Variants in ZNF493 observed in about 807,000 individuals in gnomAD.
ZNF493 encodes zinc finger protein 493.
A neutral mutation model predicts 12.2 loss-of-function variants in ZNF493; 11 were observed. The observed-to-expected ratio is 0.90, with a 90% CI of 0.57 to 1.50. ZNF493 has a LOEUF of 1.50. Among genes scored for constraint, ZNF493 ranks in the 40% most tolerant of loss-of-function variants. The pLI is 0.00. For synonymous variants in ZNF493, 286 were observed against 302.6 expected (o/e 0.95, Z 0.57); for missense variants, 950 against 906.6 (o/e 1.05, Z -0.61).
At chr19:21,411,264 A>G (rs2030316799) in intron 3 of ZNF493, among the ~76,000 whole-genome samples, 1 of 152,036 alleles carries the variant, frequency 6.6e-6, no homozygotes, top group South Asian at 2.1e-4. Context: ...AGAAGGCTTC[A>G]TTTCTGGGCT....
At chr19:21,408,881 CTTT>C (rs201812196) in intron 3 of ZNF493, 11,838 of 586,388 alleles carry the variant, frequency 0.02, 20 homozygotes, top group Middle Eastern at 0.045. Context: ...TTCTTTCTTT[CTTT>C]TTTTTTTTTT....
chr19:21,402,030 C>T (rs760830702), intron 1 of ZNF493, among the ~76,000 whole-genome samples: 9 of 152,012 alleles, frequency 5.9e-5, no homozygotes, highest in Non-Finnish European at 1.2e-4. Context: ...TGCAGTGGCA[C>T]GATCTCGGCT....
rs1272686451 is a variant in ZNF493 at position 21,423,730 on chromosome 19, T to G, written c.1071T>G (p.Ala357=). ...ACAGATGTGAAGAATATTGCAAAGCTTATAAGGAGTCCTCACACCTTACTA... is the reference window on the plus strand; with the variant it reads ...ACAGATGTGAAGAATATTGCAAAGCGTATAAGGAGTCCTCACACCTTACTA... ...KSHRCEEYCK[A]YKESSHLTTH... is the part of the protein sequence containing the mutation. The change falls in exon 4 of 4, where the codon GCT becomes GCG. Residue 357 remains alanine (A), a synonymous_variant. Coordinates refer to ENST00000392288, the MANE Select transcript of ZNF493 (RefSeq NM_001076678.3). 6.2e-7 allele frequency: 1 copy of G among 1,613,514 alleles called. No homozygotes were observed. The highest frequency in any genetic ancestry group is 1.7e-4 in the Middle Eastern group (1 of 6,054).
intron 3 of ZNF493, among the ~76,000 whole-genome samples, chr19:21,415,064 C>T (rs574955011): frequency 6.6e-6 from 1 of 152,232 alleles, no homozygotes; most frequent in East Asian, 1.9e-4. Flanking sequence ...ATCCCTATCA[C>T]AGTAGCGATT....
At chr19:21,410,541 A>G (rs549720850) in intron 3 of ZNF493, among the ~76,000 whole-genome samples, 2 of 152,110 alleles carry the variant, frequency 1.3e-5, no homozygotes, top group Non-Finnish European at 2.9e-5. Flanking sequence ...TTGCTCATCT[A>G]TAAATTAATT....
chr19:21,425,544 G>A lies in ZNF493; in HGVS notation c.*560G>A. 1 of 563,410 alleles carries A rather than the reference G, an allele frequency of 1.8e-6. No individual in the cohort carries two copies. The highest frequency in any genetic ancestry group is 4.0e-5 in the East Asian group (1 of 25,064). The allele number at this position is 563,410 out of a possible 1,614,324, so 34.9% of individuals were successfully genotyped here. A position where few individuals can be genotyped will look rare whatever the true frequency, so the allele number is the denominator to read the frequency against. ...CTACAAATGTGAGGAATGTGGCAAA[G>A]CCTTTAGCCTGTCCCTCCAATTTAC... On this transcript the variant is annotated 3_prime_UTR_variant, in exon 4 of 4. Coordinates refer to ENST00000392288, the MANE Select transcript of ZNF493 (RefSeq NM_001076678.3).
At chr19:21,422,829 T>A (rs2030719993) in intron 3 of ZNF493, 84 bp from the exon 4 acceptor site, 1 of 1,245,162 alleles carries the variant, frequency 8.0e-7, no homozygotes, top group Non-Finnish European at 1.1e-6. Context: ...TTATGCAGTT[T>A]GTATAATATT....
chr19:21,405,907 TAAA>T (rs386388731), intron 3 of ZNF493, 51 bp downstream of exon 3: 536 of 180,022 alleles, frequency 3.0e-3, no homozygotes, highest in South Asian at 4.2e-3. Flanking sequence ...TTGAAAGATT[TAAA>T]AAAAAAAAAA....
At chr19:21,412,376 A>G (rs1380527797) in intron 3 of ZNF493, 1 of 152,428 alleles carries the variant, frequency 6.6e-6, no homozygotes, top group Non-Finnish European at 1.5e-5. Context: ...TGGGTGGGCC[A>G]GGTATTCCTT....
chr19:21,402,002 C>T (rs922127543), intron 1 of ZNF493, among the ~76,000 whole-genome samples: 3 of 151,926 alleles, frequency 2.0e-5, no homozygotes, highest in Admixed American at 2.0e-4. Flanking sequence ...GAGTCTCGCT[C>T]TGTCACCCAG....
At position 21,425,719 on chromosome 19, in the gene ZNF493, A is replaced by C; in HGVS notation, c.*735A>C. 1 of 687,902 alleles carries C rather than the reference A, an allele frequency of 1.5e-6. No homozygotes were observed. Among genetic ancestry groups the C allele is most frequent in the Non-Finnish European group, 2.5e-6 (1 of 394,294 alleles). 42.6% of individuals were successfully genotyped at this position (687,902 alleles called of 1,614,324 possible). A position where few individuals can be genotyped will look rare whatever the true frequency, so the allele number is the denominator to read the frequency against. On this transcript the variant is annotated 3_prime_UTR_variant, in exon 4 of 4. Coordinates refer to ENST00000392288, the MANE Select transcript of ZNF493 (RefSeq NM_001076678.3). The stretch of plus-strand genomic sequence containing the variant: ...TGTGAAAAATGTGGCAAAGCTTTTA[A>C]CCAATTTTCAAACCTTACTAAACAT...
At position 21,425,323 on chromosome 19, in the gene ZNF493, G is replaced by A. The variant is rs747670156; in HGVS notation, c.*339G>A. On this transcript the variant is annotated 3_prime_UTR_variant, in exon 4 of 4. Coordinates refer to ENST00000392288, the MANE Select transcript of ZNF493 (RefSeq NM_001076678.3). ...AACCACTTCTCAACCCTGCCTACAC[G>A]TAAGATAATTCATACTGGAAGGAAA... The A allele has an allele frequency of 3.6e-5, 15 of 414,872 alleles. No individual in the cohort carries two copies. Among genetic ancestry groups the A allele is most frequent in the African/African-American group, 6.2e-5 (3 of 48,544 alleles). 25.7% of individuals were successfully genotyped at this position (414,872 alleles called of 1,614,324 possible).
intron 1 of ZNF493, among the ~76,000 whole-genome samples, chr19:21,404,361 T>G (rs549838412): frequency 6.6e-6 from 1 of 152,368 alleles, no homozygotes; most frequent in African/African-American, 2.4e-5. Context: ...ACATTTGTCC[T>G]AATGCAGTTG....
chr19:21,405,020 G>C, intron 1 of ZNF493, 109 bp from the exon 2 acceptor site: 1 of 1,504,710 alleles, frequency 6.6e-7, no homozygotes, highest in Non-Finnish European at 8.9e-7. Context: ...ATTCCTGTAA[G>C]TCAGAACGAA....
At chr19:21,397,514 A>G in intron 1 of ZNF493, 1 of 601,966 alleles carries the variant, frequency 1.7e-6, no homozygotes. Flanking sequence ...CCTCTCTGGC[A>G]GTTCTGCACC....
chr19:21,423,547 A>C lies in ZNF493; in HGVS notation c.888A>C (p.Glu296Asp), dbSNP rs752297795. 3.1e-6 allele frequency: 5 copies of C among 1,613,834 alleles called. No individual in the cohort carries two copies. In the South Asian group the frequency reaches 5.5e-5, roughly 18 times the overall value. ...IHTREKPYKC[E>D]QYGKTFNQSS... The stretch of plus-strand genomic sequence containing the variant: ...CTAGAGAGAAACCCTATAAATGTGA[A>C]CAATATGGCAAAACTTTTAACCAAT... Residue 296 changes from glutamate (E) to aspartate (D), a missense_variant, in exon 4 of 4, where the codon GAA becomes GAC. Physicochemically the swap from Glu to Asp is conservative, Grantham distance 45. Transcript: ENST00000392288.
intron 1 of ZNF493, chr19:21,398,308 T>C (rs1231854056): frequency 6.4e-6 from 1 of 155,954 alleles, no homozygotes; most frequent in Non-Finnish European, 1.4e-5. Context: ...TAAAGAGATT[T>C]GTTATCTGTT....
intron 3 of ZNF493, among the ~76,000 whole-genome samples, chr19:21,411,701 CAGAG>C (rs1479754252): frequency 6.7e-6 from 1 of 149,514 alleles, no homozygotes; most frequent in Non-Finnish European, 1.5e-5. Context: ...GCCTGGGTGA[CAGAG>C]TGAGACTCCA....
chr19:21,413,394 G>C, intron 3 of ZNF493: 1 of 407,536 alleles, frequency 2.5e-6, no homozygotes, highest in Non-Finnish European at 4.3e-6. Flanking sequence ...GAATACTCAT[G>C]GCAATGGTGA....
Sources: gnomAD v4.1 joint callset for allele counts (sites outside exome capture counted in the v4.1 genomes callset) on GRCh38, gnomAD v4.1.1 for gene constraint, MANE v1.5 for transcripts, NCBI Gene and HGNC (gene_info 2026-07-23, HGNC 2026-07-21) for gene names.